The following MPHOSPH6 variants were observed in gnomAD, a reference collection of about 807,000 sequenced individuals.
The protein encoded by MPHOSPH6 is M-phase phosphoprotein 6.
MPHOSPH6 carries 25 observed loss-of-function variants against 21.8 expected under a neutral mutation model. The observed-to-expected ratio is 1.15, with a 90% CI of 0.83 to 1.60. The LOEUF is 1.60. Among genes scored for constraint, MPHOSPH6 ranks in the 40% most tolerant of loss-of-function variants. The pLI is 0.00. For missense variants in MPHOSPH6, 269 were observed against 181.8 expected, an observed-to-expected ratio of 1.48 and a Z score of -2.76; for synonymous variants, 84 against 56.5, an observed-to-expected ratio of 1.49 and a Z score of -2.18.
In MPHOSPH6 at chr16:82,157,462, A is replaced by G. The variant is rs558982948; in HGVS notation, c.165-5948T>C. On this transcript the variant is annotated intron_variant, in intron 2 of 4. Coordinates refer to ENST00000258169, the MANE Select transcript of MPHOSPH6 (RefSeq NM_005792.2). ...AATCTACGGTTTAAGAAATCAGAAC[A>G]GTGCTTGCATCAGAGCAGGAGTGAG... Among the ~76,000 whole-genome samples the G allele has an allele frequency of 3.0e-4, 46 of 152,370 alleles. No homozygotes were observed. The South Asian group carries it at 9.5e-3, about 32-fold the overall frequency.
chr16:82,168,424 C>T (rs1906859257), intron 1 of MPHOSPH6, among the ~76,000 whole-genome samples: 1 of 151,876 alleles, frequency 6.6e-6, no homozygotes, highest in Admixed American at 6.6e-5. Flanking sequence ...TAACTCCATC[C>T]TAGCTCAACT....
chr16:82,166,563 G>A (rs557103894), intron 1 of MPHOSPH6, among the ~76,000 whole-genome samples: 4 of 152,270 alleles, frequency 2.6e-5, no homozygotes, highest in Admixed American at 6.5e-5. Context: ...GTGTCTCCCA[G>A]GACTACGATT....
At chr16:82,158,455 C>T (rs188463570) in intron 2 of MPHOSPH6, among the ~76,000 whole-genome samples, 33 of 144,870 alleles carry the variant, frequency 2.3e-4, no homozygotes, top group Non-Finnish European at 4.3e-4. Flanking sequence ...GCGGAGATCT[C>T]GCCACTGCAC....
In MPHOSPH6 at chr16:82,148,615, C is replaced by G; in HGVS notation, c.*116G>C. ...AACAGCATGTTTCTAAAATGATAAT[C>G]TCTTTACAAGTAAACGTTACAGTAT... On this transcript the variant is annotated 3_prime_UTR_variant, in exon 5 of 5. Transcript: ENST00000258169. 1.6e-6 allele frequency: 2 copies of G among 1,253,422 alleles called. No homozygotes were observed. The highest frequency in any genetic ancestry group is 2.1e-6 in the Non-Finnish European group (2 of 930,430). 77.6% of individuals were successfully genotyped at this position (1,253,422 alleles called of 1,614,324 possible). A position where few individuals can be genotyped will look rare whatever the true frequency, so the allele number is the denominator to read the frequency against.
Position 82,148,751 on chromosome 16 carries a change from A to C in MPHOSPH6, c.463T>G (p.Phe155Val). The C allele has an allele frequency of 6.2e-7, 1 of 1,614,140 alleles. No homozygotes were observed. Among genetic ancestry groups the C allele is most frequent in the Non-Finnish European group, 8.5e-7 (1 of 1,180,024 alleles). The change falls in exon 5 of 5, where the codon TTC (phenylalanine) becomes GTC (valine). Residue 155 changes from phenylalanine (F) to valine (V), a missense_variant. By Grantham distance (50) the Phe-to-Val change is conservative. Transcript: ENST00000258169. ...CCATCTTAATCCTGGGGCTTTAAGA[A>C]CATCTTCTTTGCTTTAATTGGTGTT... ...DITPIKAKKM[F>V]LKPQD
At chr16:82,156,154 G>C (rs1001406002) in intron 2 of MPHOSPH6, among the ~76,000 whole-genome samples, 3 of 152,024 alleles carry the variant, frequency 2.0e-5, no homozygotes, top group Non-Finnish European at 4.4e-5. Flanking sequence ...CTCATCAAAA[G>C]ACAACATTAA....
chr16:82,160,126 T>A lies in MPHOSPH6; in HGVS notation c.164+3956A>T, dbSNP rs889390311. On this transcript the variant is annotated intron_variant, in intron 2 of 4. Transcript: ENST00000258169. ...TTCCCACGGGTTTGCATTGACACCG[T>A]ATCTTTAATATAAAAAGGAGCACAG... Among the ~76,000 whole-genome samples, 5 of 118,110 alleles carry A rather than the reference T, an allele frequency of 4.2e-5. No individual in the cohort carries two copies. In the South Asian group the frequency reaches 1.7e-3, roughly 40 times the overall value. 77.5% of individuals were successfully genotyped at this position (118,110 alleles called of 152,430 possible).
intron 3 of MPHOSPH6, among the ~76,000 whole-genome samples, chr16:82,150,286 T>C (rs573059629): frequency 6.6e-6 from 1 of 152,210 alleles, no homozygotes; most frequent in Non-Finnish European, 1.5e-5. Flanking sequence ...ATCCAAACCC[T>C]ACTCTTTGAA....
chr16:82,170,115 G>C lies in MPHOSPH6; in HGVS notation c.51+10C>G, dbSNP rs754715775. The C allele has an allele frequency of 1.8e-5, 29 of 1,589,120 alleles. No individual in the cohort carries two copies. The East Asian group carries it at 2.8e-4, about 16-fold the overall frequency. ...TACCGCCCGGAGTGGCGCTCTCAGCGTCCCCGCACCTTCATGCGCAGTAGA... is the reference window on the plus strand; with the variant it reads ...TACCGCCCGGAGTGGCGCTCTCAGCCTCCCCGCACCTTCATGCGCAGTAGA... On this transcript the variant is annotated intron_variant, in intron 1 of 4. Transcript: ENST00000258169.
chr16:82,162,556 A>G (rs1392159946), intron 2 of MPHOSPH6, among the ~76,000 whole-genome samples: 2 of 152,140 alleles, frequency 1.3e-5, no homozygotes, highest in Non-Finnish European at 2.9e-5. Flanking sequence ...CTCTCTACAC[A>G]ACTTATCTGC....
At chr16:82,163,876 T>C (rs898583007) in intron 2 of MPHOSPH6, 3 of 479,062 alleles carry the variant, frequency 6.3e-6, no homozygotes, top group African/African-American at 6.0e-5. Context: ...AAGGACAAAA[T>C]AGTGGCTGGG....
Position 82,164,120 on chromosome 16 carries a change from C to G in MPHOSPH6, c.126G>C (p.Glu42Asp), listed in dbSNP as rs762829399. 1.2e-6 allele frequency: 2 copies of G among 1,613,120 alleles called. No homozygotes were observed. The highest frequency in any genetic ancestry group is 2.2e-5 in the East Asian group (1 of 44,860). ...GCTCTGGCAAATCCAAGTACCAGTG[C>G]TCTTCACTAATGATTTTCTTTTCTT... is the stretch of plus-strand genomic sequence containing the variant. ...EEEEKKIISEEHWYLDLPELK... is the reference protein window; with the variant it reads ...EEEEKKIISEDHWYLDLPELK... Residue 42 changes from glutamate to aspartate, a missense_variant, in exon 2 of 5, where the codon GAG becomes GAC. Transcript: ENST00000258169.
In MPHOSPH6 at chr16:82,165,097, A is replaced by ATTCAGG. The variant is rs1174771575; in HGVS notation, c.52-909_52-904dup. 5.2e-5 allele frequency among the ~76,000 whole-genome samples: 6 copies of ATTCAGG among 114,674 alleles called. No homozygotes were observed. In the East Asian group the frequency reaches 1.6e-3, roughly 31 times the overall value. The allele number at this position is 114,674 out of a possible 152,430, so 75.2% of individuals were successfully genotyped here. Reference sequence around the variant, plus strand: ...TATGTATCCCCCATTTCTTTCCCTTATTCAGGTCCGATATTTCTTTTTTAT... The same window carrying ATTCAGG: ...TATGTATCCCCCATTTCTTTCCCTTATTCAGGTTCAGGTCCGATATTTCTTTTTTAT... On this transcript the variant is annotated intron_variant, in intron 1 of 4. Transcript: ENST00000258169.
intron 2 of MPHOSPH6, among the ~76,000 whole-genome samples, chr16:82,163,345 A>G (rs1449640908): frequency 6.6e-6 from 1 of 152,222 alleles, no homozygotes; most frequent in African/African-American, 2.4e-5. Flanking sequence ...TTCCAGAAGG[A>G]TTCAGCTAAA....
At chr16:82,154,517 G>T (rs1212154823) in intron 2 of MPHOSPH6, among the ~76,000 whole-genome samples, 2 of 152,036 alleles carry the variant, frequency 1.3e-5, no homozygotes, top group East Asian at 3.9e-4. Flanking sequence ...AGTAGAAATG[G>T]ACTTTAGAAT....
At chr16:82,149,539 T>A (rs74398860) in intron 3 of MPHOSPH6, 136 bp from the exon 4 acceptor site, 118,107 of 727,452 alleles carry the variant, frequency 0.16, 12,932 homozygotes, top group Admixed American at 0.42. Context: ...GGACTCTCTG[T>A]AATACTTGAT....
intron 2 of MPHOSPH6, among the ~76,000 whole-genome samples, chr16:82,153,613 G>T (rs914628654): frequency 1.3e-5 from 2 of 152,208 alleles, no homozygotes; most frequent in Admixed American, 1.3e-4. Context: ...ACCACTGAAA[G>T]GGAGCTACAC....
chr16:82,168,822 C>G (rs970565408), intron 1 of MPHOSPH6, among the ~76,000 whole-genome samples: 1 of 152,142 alleles, frequency 6.6e-6, no homozygotes, highest in Non-Finnish European at 1.5e-5. Flanking sequence ...GAAATTCCAC[C>G]TCTTTAAACA....
intron 2 of MPHOSPH6, among the ~76,000 whole-genome samples, chr16:82,152,545 A>G (rs1906298106): frequency 6.6e-6 from 1 of 152,218 alleles, no homozygotes; most frequent in Non-Finnish European, 1.5e-5. Flanking sequence ...TGGGCATCTC[A>G]GAATCACCGG....
Sources: gnomAD v4.1 joint callset for allele counts (sites outside exome capture counted in the v4.1 genomes callset) on GRCh38, gnomAD v4.1.1 for gene constraint, MANE v1.5 for transcripts, NCBI Gene and HGNC (gene_info 2026-07-23, HGNC 2026-07-21) for gene names.